DOCK7: variants seen among roughly 807,000 people sequenced by gnomAD.
DOCK7 encodes the protein dedicator of cytokinesis protein 7.
A neutral mutation model predicts 271.0 loss-of-function variants in DOCK7; 138 were observed. The ratio of observed to expected loss-of-function variants is 0.51; its 90% CI spans 0.44 to 0.59. The LOEUF is 0.59. Among genes scored for constraint, DOCK7 ranks in the 20% least tolerant of loss-of-function variants. The pLI, the probability that DOCK7 is intolerant of heterozygous loss-of-function variation, is 0.00. For synonymous variants in DOCK7, 823 were observed against 876.1 expected (o/e 0.94, Z 1.07); for missense variants, 2,066 against 2,592.4 (o/e 0.80, Z 4.41).
intron 1 of DOCK7, among the ~76,000 whole-genome samples, chr1:62,664,815 G>A (rs2149721914): frequency 6.6e-6 from 1 of 151,876 alleles, no homozygotes; most frequent in South Asian, 2.1e-4. Flanking sequence ...CGACAAGGGA[G>A]GAAGACAACA....
intron 29 of DOCK7, chr1:62,530,527 T>C (rs1645142687): frequency 6.6e-6 from 1 of 152,248 alleles, no homozygotes; most frequent in South Asian, 2.1e-4. Context: ...TGATTGTATC[T>C]GCCATTTTAC....
intron 21 of DOCK7, among the ~76,000 whole-genome samples, chr1:62,554,717 G>T (rs1646081146): frequency 6.6e-6 from 1 of 152,106 alleles, no homozygotes; most frequent in Non-Finnish European, 1.5e-5. Context: ...TGCAAAATCT[G>T]TGGAATTCTA....
At chr1:62,558,862 T>A (rs1304020275) in intron 20 of DOCK7, 127 bp downstream of exon 20, 28 of 734,340 alleles carry the variant, frequency 3.8e-5, no homozygotes, top group Non-Finnish European at 5.3e-5. Flanking sequence ...GTAAATAACA[T>A]CTTCCACCCC....
rs923044828 is a variant in DOCK7 at position 62,646,165 on chromosome 1, A to C, written c.818+1526T>G. Among the ~76,000 whole-genome samples, 7 of 148,686 alleles carry C rather than the reference A, an allele frequency of 4.7e-5. No individual in the cohort carries two copies. In the East Asian group the frequency reaches 1.4e-3, roughly 30 times the overall value. On this transcript the variant is annotated intron_variant, in intron 7 of 49. Transcript: ENST00000635253. ...AGTGAGACTCCGTCTCAAAAAAAAA[A>C]AAACAAAAAAAAAACCCACTCATAT...
At chr1:62,508,764 AAC>A (rs1312331732) in intron 34 of DOCK7, among the ~76,000 whole-genome samples, 3 of 147,712 alleles carry the variant, frequency 2.0e-5, no homozygotes, top group Non-Finnish European at 3.0e-5. Flanking sequence ...AAAAGAACAA[AAC>A]AGTTTGATGC....
intron 8 of DOCK7, 185 bp from the exon 9 acceptor site, chr1:62,635,107 T>A (rs1037892313): frequency 2.5e-6 from 1 of 399,924 alleles, no homozygotes; most frequent in Non-Finnish European, 4.4e-6. Context: ...ATTTTCTTTT[T>A]AAAAACATTC....
At chr1:62,492,948 G>A in intron 40 of DOCK7, 101 bp from the exon 41 acceptor site, 2 of 994,888 alleles carry the variant, frequency 2.0e-6, no homozygotes, top group South Asian at 1.8e-5. Context: ...TATCAGGTTA[G>A]GTTAAAAAAA....
intron 18 of DOCK7, among the ~76,000 whole-genome samples, chr1:62,565,810 T>C (rs1024970716): frequency 2.0e-5 from 3 of 152,176 alleles, no homozygotes; most frequent in African/African-American, 7.2e-5. Context: ...GAAAACCCCA[T>C]TGTCTCAGCC....
chr1:62,553,809 C>A (rs1269067024), intron 21 of DOCK7, among the ~76,000 whole-genome samples: 2 of 148,502 alleles, frequency 1.3e-5, no homozygotes, highest in South Asian at 4.2e-4. Flanking sequence ...ACAATAAAAA[C>A]CAAAATAGGA....
intron 1 of DOCK7, among the ~76,000 whole-genome samples, chr1:62,673,238 T>C (rs987728425): frequency 1.3e-5 from 2 of 152,144 alleles, no homozygotes; most frequent in African/African-American, 4.8e-5. Flanking sequence ...TATACCTCCT[T>C]TTCTGGTGGG....
rs749567549 is a variant in DOCK7 at position 62,492,799 on chromosome 1, C to T, written c.5266G>A (p.Val1756Ile). 6 of 1,613,776 alleles carry T rather than the reference C, an allele frequency of 3.7e-6. No homozygotes were observed. The Admixed American group carries it at 6.7e-5, about 18-fold the overall frequency. The change falls in exon 41 of 50, where the codon GTA becomes ATA. Residue 1756 changes from valine to isoleucine, a missense_variant. This residue lies in a region of DOCK7 where 652 missense variants were observed against 922.1 expected (regional missense o/e 0.71). Coordinates refer to ENST00000635253, the MANE Select transcript of DOCK7 (RefSeq NM_001367561.1). ...LEESAVSDDV[V>I]SPDEEGICSG... ...CAGATACCTTCTTCATCTGGAGATA[C>T]CACATCATCTGAGACCGCAGATTCT... is the stretch of plus-strand genomic sequence containing the variant.
chr1:62,594,891 C>G (rs535218483), intron 14 of DOCK7, among the ~76,000 whole-genome samples: 1 of 152,180 alleles, frequency 6.6e-6, no homozygotes, highest in African/African-American at 2.4e-5. Context: ...AGTTATAAGC[C>G]ACAAAAGCTG....
At chr1:62,525,245 G>C (rs944599685) in intron 31 of DOCK7, among the ~76,000 whole-genome samples, 2 of 151,916 alleles carry the variant, frequency 1.3e-5, no homozygotes, top group African/African-American at 4.8e-5. Flanking sequence ...CTGACTTCAA[G>C]TGATCTGCCC....
rs1243125644 is a variant in DOCK7, at chr1:62,559,222, T to C, written c.2200-2A>G. The stretch of plus-strand genomic sequence containing the variant: ...AAAAAATTTGTCAAGATAAGGATCC[T>C]AAAACAAAGAATAAACAAAAGCACT... On this transcript the variant is annotated splice_acceptor_variant, in intron 19 of 49. Transcript: ENST00000635253. LOFTEE classifies it high-confidence loss of function. 1 of 1,608,218 alleles carries C rather than the reference T, an allele frequency of 6.2e-7. No homozygotes were observed. The highest frequency in any genetic ancestry group is 8.5e-7 in the Non-Finnish European group (1 of 1,175,880).
intron 2 of DOCK7, among the ~76,000 whole-genome samples, chr1:62,660,601 A>G (rs903359262): frequency 3.3e-4 from 50 of 152,172 alleles, no homozygotes; most frequent in African/African-American, 1.1e-3. Flanking sequence ...ATAAACACAG[A>G]ATTACTCTAT....
intron 15 of DOCK7, chr1:62,584,018 A>T: frequency 2.3e-6 from 1 of 440,762 alleles, no homozygotes; most frequent in Non-Finnish European, 3.0e-6. Context: ...CTAGCCAGAG[A>T]TTAAACTTTT....
In DOCK7 at chr1:62,663,105, G is replaced by A; in HGVS notation, c.64C>T (p.Gln22Ter). 1 of 1,612,466 alleles carries A rather than the reference G, an allele frequency of 6.2e-7. No individual in the cohort carries two copies. Residue 22 changes from glutamine to a stop codon, truncating the protein, a stop_gained, in exon 2 of 50, where the codon CAG (glutamine) becomes TAG (stop). Coordinates refer to ENST00000635253, the MANE Select transcript of DOCK7 (RefSeq NM_001367561.1). LOFTEE classifies it high-confidence loss of function. ...SRTVAAEVRK[Q>*]ISGQYSGSPQ... The stretch of plus-strand genomic sequence containing the variant: ...GAACCACTATATTGTCCGGAGATCT[G>A]CTTCCTAACTTCGGCTGCCACCGTT...
chr1:62,579,576 A>G (rs149052570), intron 16 of DOCK7, among the ~76,000 whole-genome samples: 1 of 151,342 alleles, frequency 6.6e-6, no homozygotes, highest in Non-Finnish European at 1.5e-5. Context: ...CAAAAAATTT[A>G]AAAAAGTCCT....
chr1:62,605,867 C>A (rs140155323), intron 14 of DOCK7: 7 of 151,952 alleles, frequency 4.6e-5, no homozygotes, highest in African/African-American at 1.7e-4. Context: ...AGATTAGATA[C>A]AAATTTTTTA....
Sources: gnomAD v4.1 joint callset for allele counts (sites outside exome capture counted in the v4.1 genomes callset) on GRCh38, gnomAD v4.1.1 for gene constraint, gnomAD v4.1.1 regional missense constraint, MANE v1.5 for transcripts, NCBI Gene and HGNC (gene_info 2026-07-23, HGNC 2026-07-21) for gene names.